GRM7: variants seen among roughly 807,000 people sequenced by gnomAD.
The protein encoded by GRM7 is metabotropic glutamate receptor 7.
In GRM7, 35 loss-of-function variants were observed where a neutral mutation model predicts 84.5. That is an observed-to-expected ratio of 0.41 (90% CI 0.32 to 0.55). The LOEUF (loss-of-function observed/expected upper bound fraction) is 0.55. Among genes scored for constraint, GRM7 ranks in the 20% least tolerant of loss-of-function variants. GRM7 has a pLI of 0.19. For synonymous variants in GRM7, 487 were observed against 455.1 expected (o/e 1.07, Z -0.89); for missense variants, 1,003 against 1,194.6 (o/e 0.84, Z 2.36).
intron 2 of GRM7, among the ~76,000 whole-genome samples, chr3:7,186,991 G>A (rs1460389975): frequency 6.6e-6 from 1 of 152,158 alleles, no homozygotes; most frequent in Admixed American, 6.5e-5. Context: ...GGCTGAGGCA[G>A]GAGGATCACT....
intron 4 of GRM7, among the ~76,000 whole-genome samples, chr3:7,310,982 TC>T: frequency 6.6e-6 from 1 of 152,270 alleles, no homozygotes; most frequent in Middle Eastern, 3.4e-3. Flanking sequence ...GTTCCACATC[TC>T]ATCCCCTCAG....
In GRM7 at chr3:6,944,906, A is replaced by G. The variant is rs1388752233; in HGVS notation, c.519+82999A>G. ...CCTTTTAACATGTCTTTGATCTAAA[A>G]TATCAATTTCATGGCACAAAGTGTT... is the stretch of plus-strand genomic sequence containing the variant. On this transcript the variant is annotated intron_variant, in intron 1 of 9. Coordinates refer to ENST00000357716, the MANE Select transcript of GRM7 (RefSeq NM_000844.4). 3.3e-5 allele frequency among the ~76,000 whole-genome samples: 5 copies of G among 152,220 alleles called. No homozygotes were observed. The South Asian group carries it at 8.3e-4, about 25-fold the overall frequency.
intron 1 of GRM7, among the ~76,000 whole-genome samples, chr3:6,902,169 A>G (rs1361206816): frequency 6.6e-6 from 1 of 152,196 alleles, no homozygotes; most frequent in African/African-American, 2.4e-5. Flanking sequence ...CTCCGGATTA[A>G]TGTCTACCGT....
chr3:7,528,112 G>A (rs1040096508), intron 7 of GRM7, among the ~76,000 whole-genome samples: 37 of 151,992 alleles, frequency 2.4e-4, no homozygotes, highest in African/African-American at 8.5e-4. Flanking sequence ...GCTCTTCTTT[G>A]TACATCTGGT....
chr3:6,947,658 A>T (rs1004953336), intron 1 of GRM7, among the ~76,000 whole-genome samples: 35 of 152,216 alleles, frequency 2.3e-4, no homozygotes, highest in African/African-American at 7.2e-4. Flanking sequence ...CCTCTGGTAG[A>T]ATTCGACTGT....
intron 1 of GRM7, among the ~76,000 whole-genome samples, chr3:7,061,308 A>T (rs1409951578): frequency 2.6e-5 from 4 of 151,820 alleles, no homozygotes; most frequent in African/African-American, 7.2e-5. Flanking sequence ...AATAGCCAGC[A>T]TATTTTTTAG....
intron 1 of GRM7, among the ~76,000 whole-genome samples, chr3:6,881,069 A>G (rs1185679218): frequency 1.3e-5 from 2 of 152,208 alleles, no homozygotes; most frequent in African/African-American, 4.8e-5. Flanking sequence ...CAAAAAGGAA[A>G]GGAGACAGGA....
At chr3:7,563,009 G>T (rs575413569) in intron 7 of GRM7, among the ~76,000 whole-genome samples, 2 of 152,190 alleles carry the variant, frequency 1.3e-5, no homozygotes, top group East Asian at 3.9e-4. Context: ...ATAGAAAGTA[G>T]GGGAATAACA....
intron 2 of GRM7, among the ~76,000 whole-genome samples, chr3:7,213,939 T>C (rs995569630): frequency 5.3e-5 from 8 of 152,196 alleles, no homozygotes; most frequent in African/African-American, 1.2e-4. Flanking sequence ...TATGTCCCAG[T>C]AAAGAACAGC....
intron 4 of GRM7, among the ~76,000 whole-genome samples, chr3:7,310,431 C>G (rs1370184604): frequency 6.6e-6 from 1 of 152,104 alleles, no homozygotes; most frequent in Non-Finnish European, 1.5e-5. Context: ...CTGGAAAGAA[C>G]AAAGCTGTGA....
chr3:7,064,469 T>TATATATATATATATATATATATATAC (rs1697557688), intron 1 of GRM7, among the ~76,000 whole-genome samples: 4 of 82,186 alleles, frequency 4.9e-5, no homozygotes, highest in South Asian at 3.7e-4. Flanking sequence ...TATACATATA[T>TATATATATATATATATATATATATAC]ATATATATAT....
At chr3:7,182,320 G>T (rs1402689211) in intron 2 of GRM7, among the ~76,000 whole-genome samples, 1 of 152,114 alleles carries the variant, frequency 6.6e-6, no homozygotes, top group African/African-American at 2.4e-5. Flanking sequence ...CAAGCATTTT[G>T]TAATATCAGC....
intron 7 of GRM7, among the ~76,000 whole-genome samples, chr3:7,573,519 C>A (rs1052579778): frequency 6.6e-6 from 1 of 152,138 alleles, no homozygotes; most frequent in Non-Finnish European, 1.5e-5. Context: ...TATAACAATT[C>A]TATCTCTTTG....
intron 4 of GRM7, among the ~76,000 whole-genome samples, chr3:7,374,061 C>G (rs530855887): frequency 6.6e-6 from 1 of 152,018 alleles, no homozygotes; most frequent in Non-Finnish European, 1.5e-5. Context: ...CCATTATGAT[C>G]GCTGGGATCT....
chr3:7,182,897 T>G (rs1353875324), intron 2 of GRM7, among the ~76,000 whole-genome samples: 2 of 43,870 alleles, frequency 4.6e-5, no homozygotes, highest in African/African-American at 1.6e-4. Flanking sequence ...CGTGAAAGTG[T>G]TTTTTTTTTT....
At chr3:7,401,449 C>T (rs1245112474) in intron 4 of GRM7, among the ~76,000 whole-genome samples, 1 of 152,030 alleles carries the variant, frequency 6.6e-6, no homozygotes, top group East Asian at 1.9e-4. Flanking sequence ...CAAGTTCATC[C>T]CATTGCTCTC....
At chr3:6,869,581 G>GTCTATCTATCTATCTATCTATCTATCTA (rs140514964) in intron 1 of GRM7, among the ~76,000 whole-genome samples, 21,772 of 150,648 alleles carry the variant, frequency 0.14, 1,666 homozygotes, top group Admixed American at 0.18. Flanking sequence ...CTATCTATCT[G>GTCTATCTATCTATCTATCTATCTATCTA]TCTATCTATC....
intron 1 of GRM7, among the ~76,000 whole-genome samples, chr3:6,901,624 AAAAAAAAAAAAAAT>A (rs1311275745): frequency 2.2e-4 from 33 of 148,762 alleles, no homozygotes; most frequent in African/African-American, 7.7e-4. Flanking sequence ...AAAAAAAAAA[AAAAAAAAAAAAAAT>A]ATGTAGAATA....
chr3:7,084,796 T>C (rs760245272), intron 1 of GRM7, among the ~76,000 whole-genome samples: 4 of 152,152 alleles, frequency 2.6e-5, no homozygotes, highest in Non-Finnish European at 4.4e-5. Flanking sequence ...GAAATGAAAT[T>C]AGAAGAGGAC....
Sources: allele counts gnomAD v4.1 joint callset (sites outside exome capture counted in the v4.1 genomes callset), GRCh38; gene constraint gnomAD v4.1.1; transcripts MANE v1.5; gene names NCBI Gene and HGNC (gene_info 2026-07-23, HGNC 2026-07-21).